ANXA1: variants seen among roughly 807,000 people sequenced by gnomAD.
ANXA1 encodes annexin I (lipocortin I).
A neutral mutation model predicts 47.9 loss-of-function variants in ANXA1; 39 were observed. The observed-to-expected ratio is 0.81, with a 90% confidence interval of 0.63 to 1.06. The LOEUF is 1.06. Among genes scored for constraint, ANXA1 ranks in the 50% least tolerant of loss-of-function variants. ANXA1 has a pLI of 0.00. For missense variants in ANXA1, 446 were observed against 422.7 expected, an observed-to-expected ratio of 1.06 and a Z score of -0.48; for synonymous variants, 146 against 142.5, an observed-to-expected ratio of 1.02 and a Z score of -0.17.
chr9:73,165,124 T>G lies in ANXA1; in HGVS notation c.621T>G (p.Tyr207Ter). 1 of 1,612,398 alleles carries G rather than the reference T, an allele frequency of 6.2e-7. No homozygotes were observed. ...DLADSDARAL[Y>*]EAGERRKGTD... The stretch of plus-strand genomic sequence containing the variant: ...TTTGTGTTTCTTGACAGGCCTTGTA[T>G]GAAGCAGGAGAAAGGAGAAAGGGGA... The change falls in exon 9 of 13, where the codon TAT becomes TAG. Residue 207 changes from tyrosine (Y) to a stop codon, truncating the protein, a stop_gained. Transcript: ENST00000257497. LOFTEE classifies it high-confidence loss of function.
At chr9:73,161,220 T>A (rs554672889) in intron 6 of ANXA1, among the ~76,000 whole-genome samples, 1 of 152,268 alleles carries the variant, frequency 6.6e-6, no homozygotes, top group East Asian at 1.9e-4. Context: ...GAAAAACACT[T>A]TTCTATTATT....
Position 73,160,714 on chromosome 9 carries a change from C to G in ANXA1, c.385-89C>G, listed in dbSNP as rs187089806. 16 of 913,258 alleles carry G rather than the reference C, an allele frequency of 1.8e-5. No homozygotes were observed. In the Admixed American group the frequency reaches 2.8e-4, roughly 16 times the overall value. The allele number at this position is 913,258 out of a possible 1,614,324, so 56.6% of individuals were successfully genotyped here. A position where few individuals can be genotyped will look rare whatever the true frequency, so the allele number is the denominator to read the frequency against. On this transcript the variant is annotated intron_variant, in intron 5 of 12. Transcript: ENST00000257497. ...GGTGAAATTTACTAAATGACAGAGT[C>G]AAACAAATTTTGGAACACCAAAAAC...
At chr9:73,169,625 C>T (rs1427308588) in intron 12 of ANXA1, among the ~76,000 whole-genome samples, 6 of 152,018 alleles carry the variant, frequency 3.9e-5, no homozygotes, top group East Asian at 3.9e-4. Flanking sequence ...AGGTAGATAA[C>T]GATTCAAATT....
chr9:73,160,460 T>A, intron 5 of ANXA1, 84 bp downstream of exon 5: 1 of 902,970 alleles, frequency 1.1e-6, no homozygotes, highest in Non-Finnish European at 1.7e-6. Flanking sequence ...TTTCAAAATC[T>A]AGTATAGTAC....
At position 73,170,037 on chromosome 9, in the gene ANXA1, T is replaced by G; in HGVS notation, c.985-14T>G. ...TTCGACTAACATTAAGTATACCTTTTTTTGAATCAACAGGATGAAACCAAA... is the reference window on the plus strand; with the variant it reads ...TTCGACTAACATTAAGTATACCTTTGTTTGAATCAACAGGATGAAACCAAA... On this transcript the variant is annotated splice_polypyrimidine_tract_variant and intron_variant, in intron 12 of 12. Coordinates refer to ENST00000257497, the MANE Select transcript of ANXA1 (RefSeq NM_000700.3). 6.3e-7 allele frequency: 1 copy of G among 1,595,464 alleles called. No homozygotes were observed. Among genetic ancestry groups the G allele is most frequent in the Non-Finnish European group, 8.5e-7 (1 of 1,171,546 alleles).
chr9:73,161,318 T>G (rs1165438482), intron 6 of ANXA1, among the ~76,000 whole-genome samples: 1 of 152,184 alleles, frequency 6.6e-6, no homozygotes, highest in Non-Finnish European at 1.5e-5. Context: ...AAAATGTTTT[T>G]CATTTGTCCT....
intron 1 of ANXA1, among the ~76,000 whole-genome samples, chr9:73,154,902 C>T (rs1429289683): frequency 6.6e-6 from 1 of 152,176 alleles, no homozygotes; most frequent in Non-Finnish European, 1.5e-5. Context: ...ATTGCTGTTA[C>T]TATCATTGCA....
chr9:73,161,035 T>A (rs1563962503), intron 6 of ANXA1, 142 bp downstream of exon 6: 1 of 594,704 alleles, frequency 1.7e-6, no homozygotes, highest in Non-Finnish European at 2.9e-6. Context: ...TTGGCACATG[T>A]CTATTAAATG....
At chr9:73,162,579 C>G (rs1373581081) in intron 6 of ANXA1, among the ~76,000 whole-genome samples, 1 of 152,128 alleles carries the variant, frequency 6.6e-6, no homozygotes, top group Non-Finnish European at 1.5e-5. Context: ...CCCATTGCTT[C>G]ATATGAAATA....
chr9:73,158,488 G>T, intron 1 of ANXA1, 34 bp from the exon 2 acceptor site: 1 of 1,551,904 alleles, frequency 6.4e-7, no homozygotes. Flanking sequence ...TGGTGCATTT[G>T]TTTTGTAAAA....
intron 1 of ANXA1, among the ~76,000 whole-genome samples, chr9:73,153,407 C>T (rs1824001003): frequency 6.6e-6 from 1 of 152,114 alleles, no homozygotes; most frequent in African/African-American, 2.4e-5. Flanking sequence ...TAAAATTGGA[C>T]AGAATTTCAT....
At chr9:73,157,897 A>T (rs2118142382) in intron 1 of ANXA1, 1 of 152,322 alleles carries the variant, frequency 6.6e-6, no homozygotes, top group Middle Eastern at 3.4e-3. Flanking sequence ...ATGTTTTCCC[A>T]AAGCTTTGTG....
intron 1 of ANXA1, among the ~76,000 whole-genome samples, chr9:73,156,633 C>T (rs911187467): frequency 6.6e-6 from 1 of 152,162 alleles, no homozygotes; most frequent in African/African-American, 2.4e-5. Context: ...AGTGTTATTA[C>T]TTGCAACTCC....
Position 73,158,245 on chromosome 9 carries a change from A to T in ANXA1, c.-14-277A>T, listed in dbSNP as rs2795116. On this transcript the variant is annotated intron_variant, in intron 1 of 12. Coordinates refer to ENST00000257497, the MANE Select transcript of ANXA1 (RefSeq NM_000700.3). ...ACTCCTCTCTTCAGCCTGTGTGCTTACTTGTAGTAGTTGTCTGATCTCTAA... is the reference window on the plus strand; with the variant it reads ...ACTCCTCTCTTCAGCCTGTGTGCTTTCTTGTAGTAGTTGTCTGATCTCTAA... 2.9e-6 allele frequency: 1 copy of T among 348,086 alleles called. No homozygotes were observed. The highest frequency in any genetic ancestry group is 3.0e-5 in the South Asian group (1 of 33,046). The allele number at this position is 348,086 out of a possible 1,614,324, so 21.6% of individuals were successfully genotyped here.
At position 73,157,148 on chromosome 9, in the gene ANXA1, G is replaced by C. The variant is rs191291837; in HGVS notation, c.-14-1374G>C. On this transcript the variant is annotated intron_variant, in intron 1 of 12. Coordinates refer to ENST00000257497, the MANE Select transcript of ANXA1 (RefSeq NM_000700.3). ...ATTCTTTTCTGGGTTTTTTGTGTTGGGTGGGAAAATATGTAGGACTACTAT... is the reference window on the plus strand; with the variant it reads ...ATTCTTTTCTGGGTTTTTTGTGTTGCGTGGGAAAATATGTAGGACTACTAT... 1.8e-4 allele frequency among the ~76,000 whole-genome samples: 28 copies of C among 152,118 alleles called. No individual in the cohort carries two copies. In the East Asian group the frequency reaches 3.7e-3, roughly 20 times the overall value.
At position 73,151,902 on chromosome 9, in the gene ANXA1, T is replaced by C. The variant is rs1823979654; in HGVS notation, c.-37T>C. ...TCAGAGAAGAATTTCTCTTTAGTTC[T>C]TTGCAAGAAGGTAGAGATAAAGGTA... On this transcript the variant is annotated 5_prime_UTR_variant, in exon 1 of 13. Coordinates refer to ENST00000257497, the MANE Select transcript of ANXA1 (RefSeq NM_000700.3). 6.6e-6 allele frequency: 1 copy of C among 152,206 alleles called. No homozygotes were observed. The highest frequency in any genetic ancestry group is 6.5e-5 in the Admixed American group (1 of 15,288). The allele number at this position is 152,206 out of a possible 1,614,324, so 9.4% of individuals were successfully genotyped here.
intron 6 of ANXA1, 52 bp downstream of exon 6, chr9:73,160,945 A>C: frequency 8.1e-7 from 1 of 1,229,644 alleles, no homozygotes; most frequent in Non-Finnish European, 1.2e-6. Context: ...AGGAAATCTA[A>C]TATACTTTCT....
chr9:73,169,157 A>G lies in ANXA1; in HGVS notation c.984+3A>G. ...TCTCCCTTTGCCAAGCCATCCTGGT[A>G]TGTTTTGATTCCTCTAATGCCATCC... On this transcript the variant is annotated splice_donor_region_variant and intron_variant, in intron 12 of 12. Transcript: ENST00000257497. 1 of 1,606,990 alleles carries G rather than the reference A, an allele frequency of 6.2e-7. No individual in the cohort carries two copies. The highest frequency in any genetic ancestry group is 8.5e-7 in the Non-Finnish European group (1 of 1,176,950).
rs562768663 is a variant in ANXA1, at chr9:73,160,287, G to A, written c.295G>A (p.Ala99Thr). The change falls in exon 5 of 13, where the codon GCC becomes ACC. Residue 99 changes from alanine to threonine, a missense_variant. By Grantham distance (58) the Ala-to-Thr change is moderately conservative (BLOSUM62 0). Coordinates refer to ENST00000257497, the MANE Select transcript of ANXA1 (RefSeq NM_000700.3). Reference protein sequence around the residue: ...GKPLDETLKKALTGHLEEVVL... With the variant: ...GKPLDETLKKTLTGHLEEVVL... ...GCCCCTGGATGAAACACTGAAGAAA[G>A]CCCTTACAGGTCACCTTGAGGAGGT... is the stretch of plus-strand genomic sequence containing the variant. 3 of 1,570,490 alleles carry A rather than the reference G, an allele frequency of 1.9e-6. No individual in the cohort carries two copies. The highest frequency in any genetic ancestry group is 2.4e-5 in the South Asian group (2 of 83,756).
Sources: gnomAD v4.1 joint callset for allele counts (sites outside exome capture counted in the v4.1 genomes callset) on GRCh38, gnomAD v4.1.1 for gene constraint, MANE v1.5 for transcripts, NCBI Gene and HGNC (gene_info 2026-07-23, HGNC 2026-07-21) for gene names.